Variants in LYRM4 observed in about 807,000 individuals in gnomAD.
LYRM4 encodes the protein LYR motif containing 4.
Under a neutral mutation model 11.7 loss-of-function variants are expected in LYRM4, and 9 were observed. That is an observed-to-expected ratio of 0.77 (90% CI 0.46 to 1.34). The LOEUF (loss-of-function observed/expected upper bound fraction) is 1.34. LYRM4 is among the 40% of genes most tolerant of loss of function. The probability of loss-of-function intolerance (pLI) is 0.00; values close to 1 mark genes in which losing one functional copy is unlikely to be tolerated. For synonymous variants in LYRM4, 42 were observed against 40.4 expected (o/e 1.04, Z -0.15); for missense variants, 133 against 112.5 (o/e 1.18, Z -0.82).
chr6:5,127,561 CAG>C (rs1226815554), intron 2 of LYRM4, among the ~76,000 whole-genome samples: 1 of 152,040 alleles, frequency 6.6e-6, no homozygotes, highest in Non-Finnish European at 1.5e-5. Context: ...CTGGTCCAAA[CAG>C]AGATGTTCTA....
intron 1 of LYRM4, among the ~76,000 whole-genome samples, chr6:5,253,746 A>G (rs1178486714): frequency 6.6e-6 from 1 of 152,056 alleles, no homozygotes; most frequent in Non-Finnish European, 1.5e-5. Context: ...GTTGCCAAAG[A>G]ACTCAATGTT....
chr6:5,229,001 C>T (rs1581556279), intron 1 of LYRM4, among the ~76,000 whole-genome samples: 1 of 92,056 alleles, frequency 1.1e-5, no homozygotes, highest in Admixed American at 1.4e-4. Context: ...GAGGCTCAGT[C>T]TCAAAAAAAA....
At chr6:5,216,812 G>A (rs2127724160) in intron 1 of LYRM4, 74 bp from the exon 2 acceptor site, 4 of 1,535,670 alleles carry the variant, frequency 2.6e-6, no homozygotes, top group Non-Finnish European at 2.6e-6. Context: ...GAATTTTAAA[G>A]TTTTTCCTTT....
At chr6:5,085,357 C>A in the LYRM4 span, 1 of 667,168 alleles carries the variant, frequency 1.5e-6, no homozygotes, top group Non-Finnish European at 2.5e-6. Context: ...CTTGTCGAGC[C>A]TGGGGCGACT....
the LYRM4 span, among the ~76,000 whole-genome samples, chr6:5,059,199 G>A: frequency 6.6e-6 from 1 of 152,018 alleles, no homozygotes; most frequent in African/African-American, 2.4e-5. Context: ...AAATTAACCA[G>A]GTGTGGTGGC....
chr6:5,237,582 T>C (rs1304932308), intron 1 of LYRM4, among the ~76,000 whole-genome samples: 2 of 152,176 alleles, frequency 1.3e-5, no homozygotes, highest in Non-Finnish European at 1.5e-5. Context: ...TTGTCTTCCA[T>C]GAAACCAGTC....
At chr6:5,123,291 G>A (rs1451041774) in intron 2 of LYRM4, among the ~76,000 whole-genome samples, 1 of 152,184 alleles carries the variant, frequency 6.6e-6, no homozygotes, top group East Asian at 1.9e-4. Context: ...CCCTCAGGAA[G>A]AGCTGGTCAT....
intron 2 of LYRM4, among the ~76,000 whole-genome samples, chr6:5,179,065 C>CAAAAAAAAAAAAAAAAAA (rs58749743): frequency 8.7e-5 from 9 of 103,902 alleles, no homozygotes; most frequent in Non-Finnish European, 1.6e-4. Context: ...ACCAAAAAAA[C>CAAAAAAAAAAAAAAAAAA]AAAAAAAAAA....
At chr6:5,260,599 C>A in intron 1 of LYRM4, 49 bp downstream of exon 1, 2 of 1,134,694 alleles carry the variant, frequency 1.8e-6, no homozygotes, top group South Asian at 1.3e-5. Context: ...CACCCCCGGT[C>A]CCCGGCCCCT....
At chr6:5,221,694 GAACA>G (rs550324271) in intron 1 of LYRM4, among the ~76,000 whole-genome samples, 9 of 152,224 alleles carry the variant, frequency 5.9e-5, no homozygotes, top group South Asian at 2.1e-4. Context: ...AATGTCTCAA[GAACA>G]AACAAACAAA....
intron 2 of LYRM4, among the ~76,000 whole-genome samples, chr6:5,167,552 T>A (rs1000315253): frequency 6.6e-6 from 1 of 152,252 alleles, no homozygotes; most frequent in Non-Finnish European, 1.5e-5. Flanking sequence ...GCACTTCATG[T>A]GGTGCTGGGC....
chr6:5,174,583 G>A (rs115804328), intron 2 of LYRM4, among the ~76,000 whole-genome samples: 2,005 of 152,222 alleles, frequency 0.013, 39 homozygotes, highest in African/African-American at 0.044. Flanking sequence ...AAACTTAATG[G>A]TTACTTCAAG....
At chr6:5,130,678 AAAC>A (rs1262209369) in intron 2 of LYRM4, among the ~76,000 whole-genome samples, 1 of 152,238 alleles carries the variant, frequency 6.6e-6, no homozygotes, top group Non-Finnish European at 1.5e-5. Flanking sequence ...GACTCGGGAA[AAAC>A]AACTAGTCAG....
chr6:5,058,380 G>A, the LYRM4 span, among the ~76,000 whole-genome samples: 9 of 152,180 alleles, frequency 5.9e-5, no homozygotes, highest in Admixed American at 2.0e-4. Flanking sequence ...TCTCATGTCC[G>A]TGGGAACAGG....
the LYRM4 span, chr6:5,085,571 C>T: frequency 5.8e-6 from 9 of 1,543,534 alleles, no homozygotes; most frequent in Non-Finnish European, 7.9e-6. Context: ...GAGCTGCCCG[C>T]CCCGGTGGTC....
At chr6:5,208,076 T>TA (rs1197991087) in intron 2 of LYRM4, among the ~76,000 whole-genome samples, 2 of 152,078 alleles carry the variant, frequency 1.3e-5, no homozygotes, top group Non-Finnish European at 2.9e-5. Context: ...TTTCCTCACC[T>TA]AAAAAAATGA....
chr6:5,126,954 T>C (rs1045280248), intron 2 of LYRM4, among the ~76,000 whole-genome samples: 1 of 152,206 alleles, frequency 6.6e-6, no homozygotes, highest in African/African-American at 2.4e-5. Context: ...GTGAATAATA[T>C]ACTTTATTTA....
the LYRM4 span, among the ~76,000 whole-genome samples, chr6:5,046,019 C>T: frequency 6.6e-6 from 1 of 152,168 alleles, no homozygotes; most frequent in Non-Finnish European, 1.5e-5. Context: ...GCACTCTGCC[C>T]AGAGCTTGGG....
intron 1 of LYRM4, among the ~76,000 whole-genome samples, chr6:5,223,985 A>G (rs767416262): frequency 4.6e-5 from 7 of 151,828 alleles, no homozygotes; most frequent in Non-Finnish European, 5.9e-5. Flanking sequence ...CATCTCTCCC[A>G]CTCCACCTAG....
Sources: gnomAD v4.1 joint callset for allele counts (sites outside exome capture counted in the v4.1 genomes callset) on GRCh38, gnomAD v4.1.1 for gene constraint, MANE v1.5 for transcripts, NCBI Gene and HGNC (gene_info 2026-07-23, HGNC 2026-07-21) for gene names.